Variants in MACROD1 observed in about 807,000 individuals in gnomAD.
MACROD1 encodes mono-ADP ribosylhydrolase 1.
In MACROD1, 31 loss-of-function variants were observed where a neutral mutation model predicts 41.4. The ratio of observed to expected loss-of-function variants is 0.75; its 90% confidence interval spans 0.56 to 1.01. The LOEUF (loss-of-function observed/expected upper bound fraction) is 1.01. Ranked by LOEUF, MACROD1 falls within the 50% of genes least tolerant of loss-of-function variation. The pLI, the probability that MACROD1 is intolerant of heterozygous loss-of-function variation, is 0.00. For synonymous variants in MACROD1, 252 were observed against 203.4 expected, an observed-to-expected ratio of 1.24 and a Z score of -2.03; for missense variants, 473 against 460.0, an observed-to-expected ratio of 1.03 and a Z score of -0.26.
At chr11:64,003,112 G>C (rs1389310137) in intron 4 of MACROD1, among the ~76,000 whole-genome samples, 1 of 152,176 alleles carries the variant, frequency 6.6e-6, no homozygotes, top group East Asian at 1.9e-4. Context: ...GGTCAAAGAT[G>C]AAGCCTTCCT....
chr11:64,018,959 T>G (rs1943117742), intron 3 of MACROD1, among the ~76,000 whole-genome samples: 1 of 152,150 alleles, frequency 6.6e-6, no homozygotes, highest in African/African-American at 2.4e-5. Context: ...GGGCTCATGA[T>G]CCAGCCCCAC....
chr11:64,117,446 G>A (rs747777424), intron 3 of MACROD1: 1 of 1,613,104 alleles, frequency 6.2e-7, no homozygotes, highest in Non-Finnish European at 8.5e-7. Context: ...CGGCTGCCAA[G>A]ACCACGGCCA....
intron 3 of MACROD1, among the ~76,000 whole-genome samples, chr11:64,034,882 G>A (rs1321433320): frequency 6.6e-6 from 1 of 152,184 alleles, no homozygotes; most frequent in Non-Finnish European, 1.5e-5. Context: ...AGGCCAGGCT[G>A]GGTATATGGG....
At position 64,113,540 on chromosome 11, in the gene MACROD1, G is replaced by A. The variant is rs4053471; in HGVS notation, c.517+37699C>T. Among the ~76,000 whole-genome samples the A allele has an allele frequency of 5.2e-4, 78 of 151,114 alleles. No individual in the cohort carries two copies. In the East Asian group the frequency reaches 0.013, roughly 26 times the overall value. ...TGGATGGATGGATAGACAGGTGGAT[G>A]CATGGATGGATGGATGGATGGACAG... On this transcript the variant is annotated intron_variant, in intron 3 of 10. Coordinates refer to ENST00000255681, the MANE Select transcript of MACROD1 (RefSeq NM_014067.4).
intron 4 of MACROD1, among the ~76,000 whole-genome samples, chr11:64,002,892 G>A (rs1309442119): frequency 6.6e-6 from 1 of 152,132 alleles, no homozygotes; most frequent in African/African-American, 2.4e-5. Context: ...CAGCAGCCCT[G>A]ATCCCTGGGG....
chr11:64,135,256 A>T (rs1412832948), intron 3 of MACROD1, among the ~76,000 whole-genome samples: 3 of 152,232 alleles, frequency 2.0e-5, no homozygotes, highest in Admixed American at 1.3e-4. Flanking sequence ...TGACAAATGG[A>T]ACAGGTCCTG....
At chr11:64,132,018 C>T (rs552976011) in intron 3 of MACROD1, among the ~76,000 whole-genome samples, 2 of 152,282 alleles carry the variant, frequency 1.3e-5, no homozygotes, top group African/African-American at 4.8e-5. Flanking sequence ...TGGGGCCTCC[C>T]CATGCCGGAG....
At chr11:64,025,813 G>A (rs1011814804) in intron 3 of MACROD1, among the ~76,000 whole-genome samples, 22 of 148,818 alleles carry the variant, frequency 1.5e-4, no homozygotes, top group African/African-American at 5.5e-4. Context: ...ATGACCTCCC[G>A]GGCTCAAGAG....
In MACROD1 at chr11:64,000,300, G is replaced by A. The variant is rs988459978; in HGVS notation, c.591C>T (p.Asp197=). 9 of 1,597,236 alleles carry A rather than the reference G, an allele frequency of 5.6e-6. No individual in the cohort carries two copies. The highest frequency in any genetic ancestry group is 1.1e-5 in the South Asian group (1 of 88,534). The stretch of plus-strand genomic sequence containing the variant: ...TACAGCTCTGCAGGGTCCGGCACTC[G>A]TCGGTAAGCAGGGGGCCGGCGGCCC... ...IHRAAGPLLT[D]ECRTLQSCKT... The change falls in exon 5 of 11, where the codon GAC becomes GAT. Residue 197 remains aspartate, a synonymous_variant. Coordinates refer to ENST00000255681, the MANE Select transcript of MACROD1 (RefSeq NM_014067.4).
chr11:64,116,886 G>C (rs1944993691), intron 3 of MACROD1: 1 of 1,611,444 alleles, frequency 6.2e-7, no homozygotes, highest in African/African-American at 1.3e-5. Flanking sequence ...GCGGCTGGAT[G>C]ACAACCGCAT....
Position 64,090,258 on chromosome 11 carries a change from C to A in MACROD1, c.517+60981G>T, listed in dbSNP as rs1030724508. Among the ~76,000 whole-genome samples the A allele has an allele frequency of 6.6e-6, 1 of 152,172 alleles. No individual in the cohort carries two copies. The highest frequency in any genetic ancestry group is 6.5e-5 in the Admixed American group (1 of 15,282). On this transcript the variant is annotated intron_variant, in intron 3 of 10. Coordinates refer to ENST00000255681, the MANE Select transcript of MACROD1 (RefSeq NM_014067.4). The surrounding 1 kb of genome is among the most constrained non-coding windows in gnomAD (Gnocchi z 4.7). The stretch of plus-strand genomic sequence containing the variant: ...GGCGTGTGGGTCTCCAGCCTTTGCT[C>A]ATCCTCGGGAAATGCATCGTGCGTT...
chr11:64,119,906 C>A (rs1945067812), intron 3 of MACROD1, among the ~76,000 whole-genome samples: 1 of 151,376 alleles, frequency 6.6e-6, no homozygotes, highest in African/African-American at 2.4e-5. Context: ...TTCCGACGTG[C>A]CTGCGTCCCA....
intron 3 of MACROD1, among the ~76,000 whole-genome samples, chr11:64,059,387 C>G (rs1192398022): frequency 6.6e-6 from 1 of 152,164 alleles, no homozygotes; most frequent in East Asian, 1.9e-4. Flanking sequence ...AGCAGGCTGC[C>G]CTGCTCCCTG....
chr11:64,050,712 G>A (rs961195630), intron 3 of MACROD1, among the ~76,000 whole-genome samples: 7 of 152,194 alleles, frequency 4.6e-5, no homozygotes, highest in African/African-American at 1.4e-4. Flanking sequence ...TCTGCTTCCC[G>A]GGTTCAAGCG....
At chr11:64,153,967 C>CT (rs1945625475) in intron 1 of MACROD1, among the ~76,000 whole-genome samples, 1 of 152,010 alleles carries the variant, frequency 6.6e-6, no homozygotes, top group Non-Finnish European at 1.5e-5. Context: ...CCCTCCTCTG[C>CT]TGTCTCCACT....
chr11:64,121,534 G>A (rs890907790), intron 3 of MACROD1, among the ~76,000 whole-genome samples: 1 of 152,212 alleles, frequency 6.6e-6, no homozygotes, highest in African/African-American at 2.4e-5. Context: ...CCCTCAGCCA[G>A]GGAGGGGCCA....
intron 1 of MACROD1, among the ~76,000 whole-genome samples, chr11:64,163,463 A>C (rs113090304): frequency 2.0e-5 from 3 of 152,332 alleles, no homozygotes; most frequent in African/African-American, 7.2e-5. Flanking sequence ...ACGAGGTCAC[A>C]AAGAAGGCAC....
intron 3 of MACROD1, among the ~76,000 whole-genome samples, chr11:64,143,235 T>C (rs1945439182): frequency 6.6e-6 from 1 of 152,044 alleles, no homozygotes; most frequent in Non-Finnish European, 1.5e-5. Flanking sequence ...GAAAAAAACC[T>C]GATGGTCTCT....
At chr11:64,062,116 C>A (rs1029984507) in intron 3 of MACROD1, among the ~76,000 whole-genome samples, 3 of 151,964 alleles carry the variant, frequency 2.0e-5, no homozygotes, top group African/African-American at 7.3e-5. Flanking sequence ...TGCTGAAATG[C>A]CCCTCTCCTC....
Sources: gnomAD v4.1 joint callset for allele counts (sites outside exome capture counted in the v4.1 genomes callset) on GRCh38, gnomAD v4.1.1 for gene constraint, Gnocchi (gnomAD v3.1) non-coding constraint, MANE v1.5 for transcripts, NCBI Gene and HGNC (gene_info 2026-07-23, HGNC 2026-07-21) for gene names.